Variants in LTBP1 observed in about 807,000 individuals in gnomAD.
The protein encoded by LTBP1 is latent transforming growth factor beta binding protein 1.
In LTBP1, 129 loss-of-function variants were observed where a neutral mutation model predicts 207.6. That is an observed-to-expected ratio of 0.62 (90% CI 0.54 to 0.72). The LOEUF (loss-of-function observed/expected upper bound fraction) is 0.72. Among genes scored for constraint, LTBP1 ranks in the 30% least tolerant of loss-of-function variants. The pLI, the probability that LTBP1 is intolerant of heterozygous loss-of-function variation, is 0.00. For synonymous variants in LTBP1, 963 were observed against 833.7 expected (o/e 1.16, Z -2.67); for missense variants, 2,281 against 2,217.2 (o/e 1.03, Z -0.58).
intron 5 of LTBP1, among the ~76,000 whole-genome samples, chr2:33,163,167 C>G (rs535524829): frequency 6.6e-6 from 1 of 152,126 alleles, no homozygotes; most frequent in Non-Finnish European, 1.5e-5. Context: ...TTTATAGAAA[C>G]AGGGTTTTGC....
intron 31 of LTBP1, among the ~76,000 whole-genome samples, chr2:33,379,818 C>G (rs1160776949): frequency 1.3e-5 from 2 of 152,178 alleles, no homozygotes; most frequent in Non-Finnish European, 2.9e-5. Flanking sequence ...TTGATTAGAA[C>G]TTGCTCTTCC....
chr2:33,217,690 G>T (rs1402905654), intron 8 of LTBP1, 36 bp downstream of exon 8: 1 of 1,452,078 alleles, frequency 6.9e-7, no homozygotes, highest in East Asian at 2.3e-5. Context: ...GCAGGTTAAT[G>T]TAGCATATCT....
At chr2:33,120,384 T>C (rs1421104984) in intron 4 of LTBP1, among the ~76,000 whole-genome samples, 1 of 152,174 alleles carries the variant, frequency 6.6e-6, no homozygotes, top group Non-Finnish European at 1.5e-5. Flanking sequence ...TTCCCTTCTT[T>C]GTGTTCATAA....
At chr2:33,012,083 C>A (rs961444831) in intron 2 of LTBP1, among the ~76,000 whole-genome samples, 2 of 152,134 alleles carry the variant, frequency 1.3e-5, no homozygotes, top group African/African-American at 4.8e-5. Flanking sequence ...TGTGGGGTCT[C>A]CCTGGCTGGG....
intron 31 of LTBP1, among the ~76,000 whole-genome samples, chr2:33,375,978 A>C (rs149013285): frequency 5.9e-5 from 9 of 152,298 alleles, no homozygotes; most frequent in African/African-American, 2.2e-4. Context: ...AAATAAGATC[A>C]ATTTTATTTG....
intron 13 of LTBP1, among the ~76,000 whole-genome samples, chr2:33,260,854 T>C (rs1234415472): frequency 6.6e-6 from 1 of 152,190 alleles, no homozygotes; most frequent in Non-Finnish European, 1.5e-5. Context: ...AGTTCTTCTG[T>C]CTTTATGATT....
In LTBP1 at chr2:33,342,690, A is replaced by G. The variant is rs576486764; in HGVS notation, c.3731-148A>G. On this transcript the variant is annotated intron_variant, in intron 24 of 33. Transcript: ENST00000404816. The stretch of plus-strand genomic sequence containing the variant: ...AAAACATTTTATTTATATGTAAAAT[A>G]TTTTAAAAGCTGTTTTCTGTGTAAA... 4.1e-4 allele frequency: 266 copies of G among 644,296 alleles called. 1 individual carries two copies. In the African/African-American group the frequency reaches 4.4e-3, roughly 11 times the overall value. The allele number at this position is 644,296 out of a possible 1,614,324, so 39.9% of individuals were successfully genotyped here. A position where few individuals can be genotyped will look rare whatever the true frequency, so the allele number is the denominator to read the frequency against.
At chr2:33,070,438 C>T (rs2077732385) in intron 3 of LTBP1, among the ~76,000 whole-genome samples, 1 of 152,210 alleles carries the variant, frequency 6.6e-6, no homozygotes, top group Non-Finnish European at 1.5e-5. Flanking sequence ...GGCCACAGGC[C>T]ATCACTTCAA....
At chr2:33,086,402 TA>T (rs2078757390) in intron 3 of LTBP1, among the ~76,000 whole-genome samples, 1 of 152,192 alleles carries the variant, frequency 6.6e-6, no homozygotes, top group African/African-American at 2.4e-5. Context: ...TAGCATGACT[TA>T]ACACCAATTC....
chr2:33,347,117 CAAAAAAAAAAAAA>C (rs775058448), intron 25 of LTBP1, among the ~76,000 whole-genome samples: 1 of 51,992 alleles, frequency 1.9e-5, no homozygotes, highest in Non-Finnish European at 3.9e-5. Flanking sequence ...GACTCCGTCT[CAAAAAAAAAAAAA>C]AAAAAAAAAA....
intron 31 of LTBP1, among the ~76,000 whole-genome samples, chr2:33,383,957 A>G (rs915322117): frequency 2.0e-5 from 3 of 152,092 alleles, no homozygotes; most frequent in African/African-American, 4.8e-5. Flanking sequence ...CGAAATTGCA[A>G]CCTCTCTACC....
chr2:33,310,580 T>TTA (rs1296161467), intron 23 of LTBP1, among the ~76,000 whole-genome samples: 5 of 152,168 alleles, frequency 3.3e-5, no homozygotes, highest in Non-Finnish European at 7.4e-5. Flanking sequence ...TGCTCTCTAA[T>TTA]GAGTGGTAAA....
At chr2:32,963,231 G>A (rs532384237) in intron 2 of LTBP1, among the ~76,000 whole-genome samples, 25 of 152,276 alleles carry the variant, frequency 1.6e-4, no homozygotes, top group Non-Finnish European at 3.1e-4. Flanking sequence ...CAGAGACAAG[G>A]TCTCACTCTG....
intron 3 of LTBP1, among the ~76,000 whole-genome samples, chr2:33,097,520 C>T (rs218211): frequency 0.7 from 105,852 of 151,994 alleles, 38,030 homozygotes; most frequent in East Asian, 0.99. Context: ...TTTTACGCCA[C>T]TGGAATACCA....
intron 9 of LTBP1, among the ~76,000 whole-genome samples, chr2:33,230,387 G>T (rs2091715904): frequency 6.6e-6 from 1 of 151,998 alleles, no homozygotes; most frequent in Non-Finnish European, 1.5e-5. Flanking sequence ...CTCTCTAGTG[G>T]TGCTGCAATT....
intron 4 of LTBP1, among the ~76,000 whole-genome samples, chr2:33,121,159 C>CTTTTTTTTT (rs61065486): frequency 7.9e-3 from 687 of 87,514 alleles, no homozygotes; most frequent in African/African-American, 8.9e-3. Flanking sequence ...TTTGTAAAGT[C>CTTTTTTTTT]TTTTTTTTTT....
At chr2:33,214,916 A>G (rs1413275518) in intron 7 of LTBP1, among the ~76,000 whole-genome samples, 1 of 151,012 alleles carries the variant, frequency 6.6e-6, no homozygotes, top group Non-Finnish European at 1.5e-5. Context: ...AGTTTTGCTT[A>G]ACTCAGAATG....
At chr2:33,093,492 G>A (rs116476362) in intron 3 of LTBP1, among the ~76,000 whole-genome samples, 2,831 of 151,680 alleles carry the variant, frequency 0.019, 83 homozygotes, top group African/African-American at 0.066. Flanking sequence ...TTGGCAACTA[G>A]GATACGCCTG....
chr2:33,145,767 G>T (rs530545925), intron 5 of LTBP1, among the ~76,000 whole-genome samples: 1 of 152,254 alleles, frequency 6.6e-6, no homozygotes, highest in East Asian at 1.9e-4. Flanking sequence ...CCAAAATTGT[G>T]TACTTGGTAA....
Sources: gnomAD v4.1 joint callset for allele counts (sites outside exome capture counted in the v4.1 genomes callset) on GRCh38, gnomAD v4.1.1 for gene constraint, MANE v1.5 for transcripts, NCBI Gene and HGNC (gene_info 2026-07-23, HGNC 2026-07-21) for gene names.